The following ANO1 variants were observed in gnomAD, a reference collection of about 807,000 sequenced individuals.
ANO1 encodes the protein anoctamin-1.
Under a neutral mutation model 124.0 loss-of-function variants are expected in ANO1, and 59 were observed. That is an observed-to-expected ratio of 0.48 (90% CI 0.39 to 0.59). The LOEUF is 0.59. ANO1 is among the 20% of genes least tolerant of loss of function. The pLI, the probability that ANO1 is intolerant of heterozygous loss-of-function variation, is 0.00. For missense variants in ANO1, 1,059 were observed against 1,328.0 expected (o/e 0.80, Z 3.15); for synonymous variants, 529 against 532.0 (o/e 0.99, Z 0.08).
At chr11:70,034,393 T>A (rs1857058978) in intron 1 of ANO1, among the ~76,000 whole-genome samples, 1 of 152,096 alleles carries the variant, frequency 6.6e-6, no homozygotes, top group South Asian at 2.1e-4. Context: ...CCTTGAGGCA[T>A]CCGGCGGTTG....
chr11:69,980,908 T>C (rs372912987), upstream of ANO1, among the ~76,000 whole-genome samples: 13 of 151,644 alleles, frequency 8.6e-5, no homozygotes, highest in East Asian at 2.2e-3. Context: ...AAAAATTAGC[T>C]GGGTGTGGTG....
In ANO1 at chr11:70,128,176, C is replaced by T. The variant is rs1477087495; in HGVS notation, c.1097+1981C>T. ...AAATATTCCACCCCACCCCCACCCC[C>T]GAATCAAAGCTCTGAGGAATCTGGC... On this transcript the variant is annotated intron_variant, in intron 10 of 25. Transcript: ENST00000355303. 3.3e-5 allele frequency among the ~76,000 whole-genome samples: 5 copies of T among 151,246 alleles called. No homozygotes were observed. The East Asian group carries it at 5.8e-4, about 18-fold the overall frequency.
chr11:70,063,425 AT>A (rs1857642997), intron 1 of ANO1, among the ~76,000 whole-genome samples: 1 of 152,094 alleles, frequency 6.6e-6, no homozygotes. Flanking sequence ...TAGCTGAGGA[AT>A]TTTTGCCTTT....
intron 1 of ANO1, among the ~76,000 whole-genome samples, chr11:70,007,148 G>A (rs575252929): frequency 6.6e-6 from 1 of 152,054 alleles, no homozygotes; most frequent in African/African-American, 2.4e-5. Flanking sequence ...GAGTTTGGTT[G>A]TTTTAGATAC....
At chr11:70,032,970 C>T (rs1265178655) in intron 1 of ANO1, among the ~76,000 whole-genome samples, 3 of 152,084 alleles carry the variant, frequency 2.0e-5, no homozygotes, top group Non-Finnish European at 4.4e-5. Context: ...TGAAAGCCTC[C>T]CTGGGTGAGG....
chr11:70,055,989 T>G (rs1555006802), intron 1 of ANO1, among the ~76,000 whole-genome samples: 223 of 152,120 alleles, frequency 1.5e-3, no homozygotes, highest in African/African-American at 5.2e-3. Context: ...CCCCACCTTT[T>G]GTTTATTTTT....
rs180694532 is a variant in ANO1, at chr11:70,041,682, C to T, written c.59-36860C>T. On this transcript the variant is annotated intron_variant, in intron 1 of 27. Transcript: ENST00000531349. ...TGATAGCTGCTGTAATCCCCAGCAT[C>T]TAGAACAAACCCTGGTGGGAAGGAG... is the stretch of plus-strand genomic sequence containing the variant. 9.2e-5 allele frequency among the ~76,000 whole-genome samples: 14 copies of T among 151,424 alleles called. No homozygotes were observed. The East Asian group carries it at 2.7e-3, about 30-fold the overall frequency.
intron 14 of ANO1, 33 bp from the exon 15 acceptor site, chr11:70,155,878 G>T (rs756959846): frequency 5.9e-6 from 9 of 1,525,688 alleles, no homozygotes; most frequent in African/African-American, 1.4e-5. Context: ...CCACTTCACC[G>T]CACGGTGCTC....
the ANO1 span, among the ~76,000 whole-genome samples, chr11:69,966,611 G>T: frequency 6.6e-6 from 1 of 152,188 alleles, no homozygotes; most frequent in Non-Finnish European, 1.5e-5. Flanking sequence ...AAGAGCTGGC[G>T]ATGGAGGAGA....
chr11:70,173,276 T>C (rs2048544559), intron 22 of ANO1, among the ~76,000 whole-genome samples: 1 of 152,148 alleles, frequency 6.6e-6, no homozygotes, highest in South Asian at 2.1e-4. Flanking sequence ...TGGTGCTTTG[T>C]AGGGAGGGAC....
intron 17 of ANO1, 72 bp from the exon 18 acceptor site, chr11:70,161,550 G>T: frequency 3.9e-6 from 6 of 1,539,738 alleles, no homozygotes; most frequent in South Asian, 1.1e-5. Flanking sequence ...CCAGTGGCCA[G>T]CCAGAAGCTG....
chr11:70,004,092 C>G (rs1346581236), intron 1 of ANO1, among the ~76,000 whole-genome samples: 1 of 152,162 alleles, frequency 6.6e-6, no homozygotes, highest in Non-Finnish European at 1.5e-5. Flanking sequence ...AGGAGCCCAC[C>G]AGGGGCTCCT....
intron 4 of ANO1, among the ~76,000 whole-genome samples, chr11:70,105,228 C>T (rs1221990326): frequency 6.6e-6 from 1 of 152,178 alleles, no homozygotes; most frequent in Non-Finnish European, 1.5e-5. Flanking sequence ...GCAGGGAGAG[C>T]AGGGAGTGTG....
the ANO1 span, among the ~76,000 whole-genome samples, chr11:69,977,904 C>T: frequency 6.6e-6 from 1 of 152,222 alleles, no homozygotes; most frequent in Non-Finnish European, 1.5e-5. Context: ...CTCTCCAAAG[C>T]GGGGTTTTGT....
In ANO1 at chr11:70,148,695, G is replaced by GCA. The variant is rs1257251650; in HGVS notation, c.1259-1014_1259-1013dup. On this transcript the variant is annotated intron_variant, in intron 11 of 25. Coordinates refer to ENST00000355303, the MANE Select transcript of ANO1 (RefSeq NM_018043.7). Reference sequence around the variant, plus strand: ...TTCAGGATAAACAGTTCAGCCAAGGGCATCTCCTTTTGCAAGCTGTGTGCT... The same window carrying GCA: ...TTCAGGATAAACAGTTCAGCCAAGGGCACATCTCCTTTTGCAAGCTGTGTGCT... Among the ~76,000 whole-genome samples the GCA allele has an allele frequency of 1.3e-5, 2 of 152,156 alleles. 1 individual carries two copies. Among genetic ancestry groups the GCA allele is most frequent in the African/African-American group, 4.8e-5 (2 of 41,444 alleles).
upstream of ANO1, among the ~76,000 whole-genome samples, chr11:70,074,511 G>C (rs1242034805): frequency 6.6e-6 from 1 of 152,174 alleles, no homozygotes; most frequent in African/African-American, 2.4e-5. Context: ...TAGACTGAAA[G>C]CCTAGTTTGC....
Position 69,997,277 on chromosome 11 carries a change from C to T in ANO1, c.58+11111C>T, listed in dbSNP as rs527805398. Reference sequence around the variant, plus strand: ...ATTACCTTGCCCTGTCCTGCCATTACCCCCACCCCCACCTCCACTGCATAA... The same window carrying T: ...ATTACCTTGCCCTGTCCTGCCATTATCCCCACCCCCACCTCCACTGCATAA... On this transcript the variant is annotated intron_variant, in intron 1 of 27. Transcript: ENST00000531349. Among the ~76,000 whole-genome samples, 4 of 152,220 alleles carry T rather than the reference C, an allele frequency of 2.6e-5. No individual in the cohort carries two copies. The South Asian group carries it at 6.2e-4, about 24-fold the overall frequency.
At chr11:70,072,850 G>C (rs72949509) in intron 1 of ANO1, 5,106 of 152,396 alleles carry the variant, frequency 0.034, 131 homozygotes, top group Non-Finnish European at 0.052. Flanking sequence ...CCAGCTCCAC[G>C]GTCTTGGGAC....
At chr11:70,043,366 C>A (rs1473177563) in intron 1 of ANO1, among the ~76,000 whole-genome samples, 5 of 152,088 alleles carry the variant, frequency 3.3e-5, no homozygotes, top group African/African-American at 1.2e-4. Flanking sequence ...GTCCAACATA[C>A]CTGTGCTAAA....
Sources: allele counts gnomAD v4.1 joint callset (sites outside exome capture counted in the v4.1 genomes callset), GRCh38; gene constraint gnomAD v4.1.1; transcripts MANE v1.5; gene names NCBI Gene and HGNC (gene_info 2026-07-23, HGNC 2026-07-21).